ADAM19: variants seen among roughly 807,000 people sequenced by gnomAD.
ADAM19 encodes ADAM metallopeptidase domain 19.
ADAM19 carries 65 observed loss-of-function variants against 114.7 expected under a neutral mutation model. The observed-to-expected ratio is 0.57, with a 90% CI of 0.46 to 0.70. The LOEUF (loss-of-function observed/expected upper bound fraction) is 0.70. Ranked by LOEUF, ADAM19 falls within the 30% of genes least tolerant of loss-of-function variation. The pLI is 0.00. For missense variants in ADAM19, 1,063 were observed against 1,204.7 expected, an observed-to-expected ratio of 0.88 and a Z score of 1.74; for synonymous variants, 466 against 460.5, an observed-to-expected ratio of 1.01 and a Z score of -0.15.
intron 2 of ADAM19, 101 bp from the exon 3 acceptor site, chr5:157,564,544 G>T (rs1757600032): frequency 1.0e-6 from 1 of 983,478 alleles, no homozygotes; most frequent in Non-Finnish European, 1.6e-6. Flanking sequence ...TGATCCACAG[G>T]AAGTGAATGA....
Position 157,530,827 on chromosome 5 carries a change from G to C in ADAM19, c.387C>G (p.Leu129=), listed in dbSNP as rs766326273. ...VRETELSSVT[L]STCRGIRGLI... ...CTTACCTAATTCCTCGGCAAGTGCT[G>C]AGCGTGACGCTGGACAGTTCTGTCT... Residue 129 remains leucine, a synonymous_variant, in exon 5 of 23, where the codon CTC becomes CTG. Transcript: ENST00000257527. 1.9e-6 allele frequency: 3 copies of C among 1,614,184 alleles called. No individual in the cohort carries two copies. The highest frequency in any genetic ancestry group is 2.5e-6 in the Non-Finnish European group (3 of 1,180,020).
intron 3 of ADAM19, among the ~76,000 whole-genome samples, chr5:157,555,497 T>C (rs187459446): frequency 5.3e-5 from 8 of 152,334 alleles, no homozygotes; most frequent in Non-Finnish European, 1.0e-4. Flanking sequence ...ATTTTCATGC[T>C]TGAAGAAAGC....
At chr5:157,504,563 T>G (rs1271012116) in intron 11 of ADAM19, among the ~76,000 whole-genome samples, 1 of 152,092 alleles carries the variant, frequency 6.6e-6, no homozygotes, top group Non-Finnish European at 1.5e-5. Flanking sequence ...CATCATCCTT[T>G]CCATGTCACA....
intron 15 of ADAM19, 136 bp downstream of exon 15, chr5:157,494,551 A>G (rs923965156): frequency 6.1e-6 from 4 of 650,610 alleles, no homozygotes; most frequent in African/African-American, 5.4e-5. Context: ...GGCCGAGAAT[A>G]GATGACTGAC....
chr5:157,510,751 T>A (rs1755894589), intron 8 of ADAM19, among the ~76,000 whole-genome samples: 1 of 152,266 alleles, frequency 6.6e-6, no homozygotes, highest in African/African-American at 2.4e-5. Flanking sequence ...TATTGCTGAA[T>A]AATATTCTTT....
intron 20 of ADAM19, 136 bp downstream of exon 20, chr5:157,488,966 C>A: frequency 1.5e-6 from 1 of 661,146 alleles, no homozygotes; most frequent in Non-Finnish European, 2.7e-6. Flanking sequence ...GGAGGCGGAG[C>A]TTGCAGTGAG....
chr5:157,561,020 A>T (rs1227174321), intron 3 of ADAM19, among the ~76,000 whole-genome samples: 2 of 152,242 alleles, frequency 1.3e-5, no homozygotes, highest in Non-Finnish European at 2.9e-5. Context: ...AGGCTTAAAG[A>T]GGCTACAAGG....
intron 16 of ADAM19, 87 bp downstream of exon 16, chr5:157,492,886 T>A: frequency 6.8e-7 from 1 of 1,470,070 alleles, no homozygotes; most frequent in Non-Finnish European, 9.4e-7. Flanking sequence ...AGGTGGCATC[T>A]GAGCCCAGGC....
At chr5:157,558,182 A>C (rs1456096922) in intron 3 of ADAM19, among the ~76,000 whole-genome samples, 1 of 152,202 alleles carries the variant, frequency 6.6e-6, no homozygotes, top group African/African-American at 2.4e-5. Context: ...CAGCGTCAAC[A>C]CAGCAGGGTT....
At chr5:157,505,916 T>C in intron 10 of ADAM19, 108 bp from the exon 11 acceptor site, 1 of 1,285,630 alleles carries the variant, frequency 7.8e-7, no homozygotes, top group South Asian at 1.5e-5. Flanking sequence ...CCAATTCCAC[T>C]GTCACTGAGC....
In ADAM19 at chr5:157,554,896, A is replaced by C. The variant is rs115679952; in HGVS notation, c.251+9477T>G. Among the ~76,000 whole-genome samples, 883 of 152,308 alleles carry C rather than the reference A, an allele frequency of 5.8e-3. 8 individuals carry two copies. The highest frequency in any genetic ancestry group is 0.02 in the African/African-American group (833 of 41,552). On this transcript the variant is annotated intron_variant, in intron 3 of 22. Coordinates refer to ENST00000257527, the MANE Select transcript of ADAM19 (RefSeq NM_033274.5). ...CACCTCCAGGTAGTGCAAGGAGCCA[A>C]GCTTGGGATGCACACCTGCCTGGAT...
chr5:157,516,593 A>G (rs948703537), intron 7 of ADAM19, among the ~76,000 whole-genome samples: 5 of 152,212 alleles, frequency 3.3e-5, no homozygotes, highest in Admixed American at 6.5e-5. Flanking sequence ...CCCCACCTTT[A>G]AACAGAGCAG....
At position 157,477,320 on chromosome 5, in the gene ADAM19, A is replaced by G; in HGVS notation, c.*3629T>C. ...CAAACCAGATAACATTGCAAATGAC[A>G]AACAATTCATTTTTAATTAAATACT... On this transcript the variant is annotated 3_prime_UTR_variant, in exon 23 of 23. Coordinates refer to ENST00000257527, the MANE Select transcript of ADAM19 (RefSeq NM_033274.5). 1.0e-6 allele frequency: 1 copy of G among 1,001,038 alleles called. No homozygotes were observed. The highest frequency in any genetic ancestry group is 1.2e-6 in the Non-Finnish European group (1 of 838,392). 62.0% of individuals were successfully genotyped at this position (1,001,038 alleles called of 1,614,324 possible). A position where few individuals can be genotyped will look rare whatever the true frequency, so the allele number is the denominator to read the frequency against.
At chr5:157,523,566 C>G (rs1453229836) in intron 5 of ADAM19, among the ~76,000 whole-genome samples, 5 of 152,332 alleles carry the variant, frequency 3.3e-5, no homozygotes, top group South Asian at 4.1e-4. Flanking sequence ...TCTCTCACCA[C>G]TTGATCTCTG....
At chr5:157,514,699 G>GA (rs142307498) in intron 7 of ADAM19, among the ~76,000 whole-genome samples, 13,507 of 152,240 alleles carry the variant, frequency 0.089, 798 homozygotes, top group Middle Eastern at 0.17. Flanking sequence ...ATGGGTACCA[G>GA]AAAGAGGACA....
At chr5:157,568,304 G>A (rs1316488891) in intron 2 of ADAM19, 1 of 152,208 alleles carries the variant, frequency 6.6e-6, no homozygotes, top group Admixed American at 6.5e-5. Context: ...TTATGTGGGT[G>A]ATCCAAAAAT....
chr5:157,507,435 T>C (rs573282648), intron 9 of ADAM19, among the ~76,000 whole-genome samples: 2 of 152,356 alleles, frequency 1.3e-5, no homozygotes, highest in East Asian at 1.9e-4. Context: ...TGGGCAGGGT[T>C]TGCAAAGCTG....
Position 157,479,258 on chromosome 5 carries a change from C to CTTATTTCCAAACCCAAGA in ADAM19, c.*1673_*1690dup. ...CCAGGGGTACATCCCGTATTTTCCA[C>CTTATTTCCAAACCCAAGA]TTATTTCCAAACCCAAGAACATCCA... is the stretch of plus-strand genomic sequence containing the variant. On this transcript the variant is annotated 3_prime_UTR_variant, in exon 23 of 23. Coordinates refer to ENST00000257527, the MANE Select transcript of ADAM19 (RefSeq NM_033274.5). 9 of 985,910 alleles carry CTTATTTCCAAACCCAAGA rather than the reference C, an allele frequency of 9.1e-6. No homozygotes were observed. Among genetic ancestry groups the CTTATTTCCAAACCCAAGA allele is most frequent in the Non-Finnish European group, 1.1e-5 (9 of 829,968 alleles). The allele number at this position is 985,910 out of a possible 1,614,324, so 61.1% of individuals were successfully genotyped here.
intron 5 of ADAM19, among the ~76,000 whole-genome samples, chr5:157,527,448 G>C (rs1756498447): frequency 6.6e-6 from 1 of 152,140 alleles, no homozygotes; most frequent in African/African-American, 2.4e-5. Context: ...CTGATCTTGT[G>C]ATCTGCCTGC....
Sources: gnomAD v4.1 joint callset for allele counts (sites outside exome capture counted in the v4.1 genomes callset) on GRCh38, gnomAD v4.1.1 for gene constraint, MANE v1.5 for transcripts, NCBI Gene and HGNC (gene_info 2026-07-23, HGNC 2026-07-21) for gene names.